Variants in LCMT1 observed in about 807,000 individuals in gnomAD.
LCMT1 encodes the protein [Phosphatase 2A protein]-leucine-carboxy methyltransferase 1.
LCMT1 carries 32 observed loss-of-function variants against 47.7 expected under a neutral mutation model. The observed-to-expected ratio is 0.67, with a 90% CI of 0.51 to 0.90. The LOEUF (loss-of-function observed/expected upper bound fraction) is 0.90. Ranked by LOEUF, LCMT1 falls within the 40% of genes least tolerant of loss-of-function variation. The probability of loss-of-function intolerance (pLI) is 0.00; values close to 1 mark genes in which losing one functional copy is unlikely to be tolerated. For synonymous variants in LCMT1, 152 were observed against 149.7 expected, an observed-to-expected ratio of 1.02 and a Z score of -0.11; for missense variants, 375 against 415.2, an observed-to-expected ratio of 0.90 and a Z score of 0.84.
At chr16:25,162,888 G>GTTT (rs397810748) in intron 6 of LCMT1, among the ~76,000 whole-genome samples, 5 of 151,654 alleles carry the variant, frequency 3.3e-5, no homozygotes, top group Non-Finnish European at 7.4e-5. Flanking sequence ...CTTTTTGTTT[G>GTTT]GAGACAAGGT....
chr16:25,169,949 G>C (rs1166528223), intron 8 of LCMT1, among the ~76,000 whole-genome samples: 1 of 152,098 alleles, frequency 6.6e-6, no homozygotes, highest in Admixed American at 6.6e-5. Context: ...GGCGGGCGCG[G>C]TGGCTCACAC....
chr16:25,164,778 C>G (rs1335150679), intron 7 of LCMT1, 60 bp downstream of exon 7: 2 of 1,608,102 alleles, frequency 1.2e-6, no homozygotes. Context: ...GCTTCCCTCT[C>G]CCAGCACCCT....
intron 6 of LCMT1, among the ~76,000 whole-genome samples, chr16:25,163,061 CA>C (rs1459220786): frequency 6.6e-6 from 1 of 152,180 alleles, no homozygotes; most frequent in Non-Finnish European, 1.5e-5. Context: ...AAGGTTTCAC[CA>C]TATTGCCCAG....
chr16:25,132,065 G>A lies in LCMT1; in HGVS notation c.206-337G>A, dbSNP rs61687231. The A allele has an allele frequency of 4.6e-3, 1,830 of 398,388 alleles. 40 individuals are homozygous for A. The highest frequency in any genetic ancestry group is 0.035 in the African/African-American group (1,710 of 48,314). The allele number at this position is 398,388 out of a possible 1,614,324, so 24.7% of individuals were successfully genotyped here. A position where few individuals can be genotyped will look rare whatever the true frequency, so the allele number is the denominator to read the frequency against. ...TTTCAGGTTTACCCGAGTCCAGAGT[G>A]GCTTTCATTATAGCCATGAAAGGCA... is the stretch of plus-strand genomic sequence containing the variant. On this transcript the variant is annotated intron_variant, in intron 2 of 10. Transcript: ENST00000399069.
chr16:25,139,342 A>G lies in LCMT1; in HGVS notation c.328-829A>G, dbSNP rs1209120031. On this transcript the variant is annotated intron_variant, in intron 3 of 10. Coordinates refer to ENST00000399069, the MANE Select transcript of LCMT1 (RefSeq NM_016309.3). ...AAGAGTGCCTGTTCTTTAATCTATC[A>G]TACTTCACTATCACAGAGAAAAATG... 2.0e-5 allele frequency among the ~76,000 whole-genome samples: 3 copies of G among 152,136 alleles called. No individual in the cohort carries two copies. In the East Asian group the frequency reaches 5.8e-4, roughly 29 times the overall value.
chr16:25,120,415 CT>C (rs916076964), intron 1 of LCMT1, among the ~76,000 whole-genome samples: 16 of 142,640 alleles, frequency 1.1e-4, no homozygotes, highest in African/African-American at 3.9e-4. Flanking sequence ...TTTTTGATTT[CT>C]TTTTTTTTCT....
intron 7 of LCMT1, among the ~76,000 whole-genome samples, chr16:25,166,282 AAAAG>A (rs887770010): frequency 1.4e-4 from 22 of 151,960 alleles, no homozygotes; most frequent in South Asian, 4.2e-4. Context: ...AAAAAAAAAA[AAAAG>A]AAAGAAAGAA....
intron 3 of LCMT1, among the ~76,000 whole-genome samples, chr16:25,139,134 T>G (rs565747913): frequency 9.2e-5 from 14 of 152,244 alleles, no homozygotes; most frequent in Admixed American, 3.9e-4. Context: ...ATGGTCTCGG[T>G]CTCTTGACCT....
intron 10 of LCMT1, 83 bp from the exon 11 acceptor site, chr16:25,177,918 A>C (rs1200011391): frequency 8.4e-7 from 1 of 1,194,658 alleles, no homozygotes; most frequent in African/African-American, 1.5e-5. Flanking sequence ...GGTGCCCCTG[A>C]GCCGGTCACT....
chr16:25,151,474 C>A, intron 4 of LCMT1, 80 bp from the exon 5 acceptor site: 1 of 1,188,024 alleles, frequency 8.4e-7, no homozygotes. Flanking sequence ...TGAGTGTCTG[C>A]ATTTGTGCAG....
intron 1 of LCMT1, among the ~76,000 whole-genome samples, chr16:25,115,888 G>C (rs1003371797): frequency 3.3e-5 from 5 of 152,186 alleles, no homozygotes; most frequent in African/African-American, 1.2e-4. Context: ...ATGTTGGTCA[G>C]GCTGGTCTCG....
Position 25,170,821 on chromosome 16 carries a change from G to A in LCMT1, c.884+16G>A, listed in dbSNP as rs768620135. On this transcript the variant is annotated intron_variant, in intron 9 of 10. Coordinates refer to ENST00000399069, the MANE Select transcript of LCMT1 (RefSeq NM_016309.3). ...AAGTGAGCAGGTATGGGGTTGGTGAGCGTCAGCTTGATGGGCATTCATTGT... is the reference window on the plus strand; with the variant it reads ...AAGTGAGCAGGTATGGGGTTGGTGAACGTCAGCTTGATGGGCATTCATTGT... 1.3e-6 allele frequency: 2 copies of A among 1,564,358 alleles called. No homozygotes were observed. Among genetic ancestry groups the A allele is most frequent in the South Asian group, 1.1e-5 (1 of 87,790 alleles).
chr16:25,149,680 A>G (rs914686093), intron 4 of LCMT1, among the ~76,000 whole-genome samples: 3 of 152,318 alleles, frequency 2.0e-5, no homozygotes, highest in East Asian at 3.9e-4. Flanking sequence ...TTGGAAGGCC[A>G]AGGCTGGTGG....
At chr16:25,120,109 A>C (rs555997892) in intron 1 of LCMT1, among the ~76,000 whole-genome samples, 2 of 151,080 alleles carry the variant, frequency 1.3e-5, no homozygotes, top group Admixed American at 6.6e-5. Flanking sequence ...GCAGTGAGCC[A>C]AGATCACACC....
chr16:25,131,081 C>T (rs974822592), intron 2 of LCMT1, among the ~76,000 whole-genome samples: 7 of 152,186 alleles, frequency 4.6e-5, no homozygotes, highest in Admixed American at 2.6e-4. Flanking sequence ...GAGACAGGAG[C>T]CTGCCTTATT....
At chr16:25,140,706 T>G (rs1567316196) in intron 4 of LCMT1, 1 of 157,288 alleles carries the variant, frequency 6.4e-6, no homozygotes, top group African/African-American at 2.4e-5. Context: ...GGTCAGCGTA[T>G]CTGGTTGCGC....
intron 10 of LCMT1, 40 bp from the exon 11 acceptor site, chr16:25,177,961 C>A: frequency 6.2e-7 from 1 of 1,607,952 alleles, no homozygotes; most frequent in Non-Finnish European, 8.5e-7. Flanking sequence ...CTCCTGGCCA[C>A]CAGAGTCTCC....
Position 25,111,943 on chromosome 16 carries a change from C to A in LCMT1, c.60C>A (p.Asp20Glu). 1.2e-6 allele frequency: 2 copies of A among 1,613,616 alleles called. No homozygotes were observed. The highest frequency in any genetic ancestry group is 1.1e-5 in the South Asian group (1 of 91,082). The part of the protein sequence containing the change: ...ITSCCSTSSC[D>E]ADDEGVRGTC... ...CCTGCTGTTCCACCTCGAGCTGCGA[C>A]GCAGACGACGAGGGCGTGCGCGGCA... is the stretch of plus-strand genomic sequence containing the variant. Residue 20 changes from aspartate to glutamate, a missense_variant, in exon 1 of 11, where the codon GAC (aspartate) becomes GAA (glutamate). Transcript: ENST00000399069.
chr16:25,118,858 G>C (rs1210843311), intron 1 of LCMT1, among the ~76,000 whole-genome samples: 1 of 152,026 alleles, frequency 6.6e-6, no homozygotes, highest in Non-Finnish European at 1.5e-5. Flanking sequence ...TGCAGGAGGC[G>C]GGGGCAGATG....
Sources: allele counts gnomAD v4.1 joint callset (sites outside exome capture counted in the v4.1 genomes callset), GRCh38; gene constraint gnomAD v4.1.1; transcripts MANE v1.5; gene names NCBI Gene and HGNC (gene_info 2026-07-23, HGNC 2026-07-21).